CXCL13: variants seen among roughly 807,000 people sequenced by gnomAD.
The protein encoded by CXCL13 is C-X-C motif chemokine 13.
CXCL13 carries 7 observed loss-of-function variants against 12.2 expected under a neutral mutation model. The observed-to-expected ratio is 0.57, with a 90% CI of 0.33 to 1.07. The LOEUF is 1.07. Among genes scored for constraint, CXCL13 ranks in the 50% least tolerant of loss-of-function variants. CXCL13 has a pLI of 0.04. For synonymous variants in CXCL13, 47 were observed against 42.4 expected (o/e 1.11, Z -0.42); for missense variants, 113 against 127.4 (o/e 0.89, Z 0.55).
intron 1 of CXCL13, among the ~76,000 whole-genome samples, chr4:77,512,439 T>C (rs911433415): frequency 6.6e-6 from 1 of 152,206 alleles, no homozygotes; most frequent in Non-Finnish European, 1.5e-5. Flanking sequence ...AGTAATTGTC[T>C]ATCCATCCTG....
At chr4:77,591,290 G>A (rs2109830943) in intron 1 of CXCL13, among the ~76,000 whole-genome samples, 1 of 152,088 alleles carries the variant, frequency 6.6e-6, no homozygotes, top group African/African-American at 2.4e-5. Flanking sequence ...AGTGGCTCAC[G>A]CCTGTAATCC....
intron 2 of CXCL13, among the ~76,000 whole-genome samples, chr4:77,610,400 A>T (rs1420544657): frequency 4.6e-5 from 7 of 151,690 alleles, no homozygotes; most frequent in African/African-American, 1.7e-4. Context: ...TTTGGATTCA[A>T]CCCCACCAGC....
chr4:77,525,727 A>G (rs1724745902), intron 1 of CXCL13, among the ~76,000 whole-genome samples: 1 of 152,192 alleles, frequency 6.6e-6, no homozygotes, highest in African/African-American at 2.4e-5. Flanking sequence ...CAAGGCAAAC[A>G]TGACATAAGG....
intron 1 of CXCL13, among the ~76,000 whole-genome samples, chr4:77,573,752 T>C (rs1310011794): frequency 6.6e-6 from 1 of 151,992 alleles, no homozygotes; most frequent in Non-Finnish European, 1.5e-5. Flanking sequence ...GATGGTGGCC[T>C]GGGTTCAATT....
chr4:77,518,022 T>G lies in CXCL13; in HGVS notation c.-43+6234T>G, dbSNP rs181985640. On this transcript the variant is annotated intron_variant, in intron 1 of 4. Transcript: ENST00000286758. ...GGCCTGGTGGTGACATTTGCTTGTC[T>G]GTAAAGGATTTTATTTCTCCTTCAT... 2.0e-4 allele frequency among the ~76,000 whole-genome samples: 30 copies of G among 150,820 alleles called. 1 individual carries two copies. In the East Asian group the frequency reaches 5.6e-3, roughly 28 times the overall value.
chr4:77,609,828 A>C (rs776007502), intron 2 of CXCL13, among the ~76,000 whole-genome samples: 1 of 152,192 alleles, frequency 6.6e-6, no homozygotes, highest in Non-Finnish European at 1.5e-5. Context: ...GGAGTCAGAT[A>C]ATCTTCATTT....
chr4:77,558,415 C>T (rs1725715788), intron 1 of CXCL13, among the ~76,000 whole-genome samples: 1 of 152,090 alleles, frequency 6.6e-6, no homozygotes, highest in East Asian at 1.9e-4. Flanking sequence ...TACAGTGGAG[C>T]AATCTCAGCT....
Position 77,607,752 on chromosome 4 carries a change from G to A in CXCL13, c.114G>A (p.Glu38=), listed in dbSNP as rs573890564. Reference sequence around the variant, plus strand: ...GCTTGAGGTGTAGATGTGTCCAAGAGAGCTCAGTCTTTATCCCTAGACGCT... The same window carrying A: ...GCTTGAGGTGTAGATGTGTCCAAGAAAGCTCAGTCTTTATCCCTAGACGCT... ...YTSLRCRCVQ[E]SSVFIPRRFI... is the part of the protein sequence containing the mutation. Residue 38 remains glutamate, a synonymous_variant, in exon 2 of 4, where the codon GAG becomes GAA. Transcript: ENST00000682537. 1.3e-5 allele frequency: 21 copies of A among 1,613,982 alleles called. No individual in the cohort carries two copies. Among genetic ancestry groups the A allele is most frequent in the Admixed American group, 3.3e-5 (2 of 60,016 alleles).
chr4:77,558,401 G>A (rs984315147), intron 1 of CXCL13, among the ~76,000 whole-genome samples: 1 of 152,060 alleles, frequency 6.6e-6, no homozygotes, highest in Non-Finnish European at 1.5e-5. Flanking sequence ...CACCCAGATT[G>A]GACTACAGTG....
intron 1 of CXCL13, among the ~76,000 whole-genome samples, chr4:77,579,611 T>C (rs1660499288): frequency 6.6e-6 from 1 of 152,216 alleles, no homozygotes. Context: ...GTGGTTTTAC[T>C]AAAAATTCCA....
At chr4:77,576,011 C>T (rs766212977) in intron 1 of CXCL13, among the ~76,000 whole-genome samples, 17 of 151,828 alleles carry the variant, frequency 1.1e-4, no homozygotes, top group Non-Finnish European at 1.8e-4. Context: ...TGTAACTACC[C>T]TGGACATTTT....
At chr4:77,572,856 T>C (rs565933431) in intron 1 of CXCL13, among the ~76,000 whole-genome samples, 2 of 151,848 alleles carry the variant, frequency 1.3e-5, no homozygotes, top group African/African-American at 2.4e-5. Flanking sequence ...AGTGGTAGAT[T>C]GGATAAAGAA....
At chr4:77,556,581 CATT>C (rs1414239642) in intron 1 of CXCL13, among the ~76,000 whole-genome samples, 1 of 152,036 alleles carries the variant, frequency 6.6e-6, no homozygotes, top group Non-Finnish European at 1.5e-5. Context: ...AAAATGTACA[CATT>C]GTATGTATAT....
intron 1 of CXCL13, among the ~76,000 whole-genome samples, chr4:77,565,861 C>T (rs1334385849): frequency 6.6e-6 from 1 of 152,178 alleles, no homozygotes; most frequent in Non-Finnish European, 1.5e-5. Flanking sequence ...AAAGAAACTG[C>T]ATTTCCCTAG....
intron 1 of CXCL13, among the ~76,000 whole-genome samples, chr4:77,585,056 T>C (rs944382892): frequency 1.3e-5 from 2 of 152,196 alleles, no homozygotes; most frequent in African/African-American, 4.8e-5. Flanking sequence ...AGCTCATGAC[T>C]ACTTGCAAGC....
intron 1 of CXCL13, among the ~76,000 whole-genome samples, chr4:77,533,328 A>G (rs1724978365): frequency 6.6e-6 from 1 of 152,204 alleles, no homozygotes; most frequent in Non-Finnish European, 1.5e-5. Context: ...GGGTATCAGC[A>G]GCAGAGGCTG....
chr4:77,543,922 G>A (rs576177960), intron 1 of CXCL13, among the ~76,000 whole-genome samples: 9 of 151,970 alleles, frequency 5.9e-5, no homozygotes, highest in South Asian at 4.2e-4. Flanking sequence ...GACAGGTCCC[G>A]GTGTGTGATG....
In CXCL13 at chr4:77,581,774, T is replaced by C. The variant is rs1426207782; in HGVS notation, c.-42-24050T>C. On this transcript the variant is annotated intron_variant, in intron 1 of 4. Transcript: ENST00000286758. ...TATAGACCTTTTCTGGTCTTTCTTA[T>C]CATAAAAATTGTCAGCCAATTAAAC... Among the ~76,000 whole-genome samples the C allele has an allele frequency of 3.9e-5, 6 of 152,320 alleles. No individual in the cohort carries two copies. In the South Asian group the frequency reaches 8.3e-4, roughly 21 times the overall value.
intron 1 of CXCL13, among the ~76,000 whole-genome samples, chr4:77,517,103 A>G (rs28831145): frequency 0.5 from 75,555 of 151,762 alleles, 21,841 homozygotes; most frequent in African/African-American, 0.81. Flanking sequence ...CATTTTCCAT[A>G]TAGTTGAGTG....
Sources: gnomAD v4.1 joint callset for allele counts (sites outside exome capture counted in the v4.1 genomes callset) on GRCh38, gnomAD v4.1.1 for gene constraint, MANE v1.5 for transcripts, NCBI Gene and HGNC (gene_info 2026-07-23, HGNC 2026-07-21) for gene names.